ALG14: variants seen among roughly 807,000 people sequenced by gnomAD.
ALG14 encodes the protein ALG14 UDP-N-acetylglucosaminyltransferase subunit.
Under a neutral mutation model 22.8 loss-of-function variants are expected in ALG14, and 17 were observed. The observed-to-expected ratio is 0.75, with a 90% CI of 0.51 to 1.12. ALG14 has a LOEUF of 1.12. Among genes scored for constraint, ALG14 ranks in the 50% most tolerant of loss-of-function variants. The pLI is 0.00. For missense variants in ALG14, 288 were observed against 271.8 expected, an observed-to-expected ratio of 1.06 and a Z score of -0.42; for synonymous variants, 89 against 103.7, an observed-to-expected ratio of 0.86 and a Z score of 0.86.
intron 3 of ALG14, among the ~76,000 whole-genome samples, chr1:94,991,878 T>C (rs79296456): frequency 0.051 from 7,760 of 152,182 alleles, 282 homozygotes; most frequent in African/African-American, 0.096. Flanking sequence ...TTAAGCCTTT[T>C]TGTTAAAAAC....
chr1:95,009,959 T>A (rs1673319119), intron 3 of ALG14, among the ~76,000 whole-genome samples: 2 of 152,312 alleles, frequency 1.3e-5, no homozygotes, highest in African/African-American at 4.8e-5. Context: ...AATTAAAAGC[T>A]AAGAGGAATT....
At chr1:95,054,288 C>A (rs952710131) in intron 2 of ALG14, among the ~76,000 whole-genome samples, 1 of 152,088 alleles carries the variant, frequency 6.6e-6, no homozygotes, top group African/African-American at 2.4e-5. Context: ...GTCATGATCT[C>A]CTTGGTACAG....
chr1:95,046,798 AT>A (rs1329278889), intron 2 of ALG14, among the ~76,000 whole-genome samples: 1 of 152,224 alleles, frequency 6.6e-6, no homozygotes, highest in African/African-American at 2.4e-5. Context: ...GTTTACAATC[AT>A]TTTAAAGTAA....
chr1:95,050,126 G>A (rs546327275), intron 2 of ALG14, among the ~76,000 whole-genome samples: 459 of 152,302 alleles, frequency 3.0e-3, no homozygotes, highest in Non-Finnish European at 4.3e-3. Flanking sequence ...AGTGTGAATC[G>A]ATGCCCTTTT....
At chr1:94,996,903 G>A (rs867773641) in intron 3 of ALG14, among the ~76,000 whole-genome samples, 3 of 152,038 alleles carry the variant, frequency 2.0e-5, no homozygotes, top group Non-Finnish European at 2.9e-5. Context: ...GGCTGGTATC[G>A]AATTCCTGAC....
intron 3 of ALG14, among the ~76,000 whole-genome samples, chr1:95,009,243 T>A (rs572194787): frequency 6.6e-6 from 1 of 150,714 alleles, no homozygotes; most frequent in East Asian, 1.9e-4. Flanking sequence ...TTATTTATAA[T>A]CATGTTTTAT....
At chr1:94,992,734 A>G (rs1267646955) in intron 3 of ALG14, among the ~76,000 whole-genome samples, 2 of 152,152 alleles carry the variant, frequency 1.3e-5, no homozygotes, top group African/African-American at 4.8e-5. Flanking sequence ...GTTCTAACAT[A>G]TTCTCTTCTT....
intron 2 of ALG14, among the ~76,000 whole-genome samples, chr1:95,061,278 T>C (rs2100833963): frequency 6.6e-6 from 1 of 152,296 alleles, no homozygotes; most frequent in African/African-American, 2.4e-5. Context: ...AATACAGTAT[T>C]GATTCCTAAA....
At chr1:94,993,595 C>T (rs1672834147) in intron 3 of ALG14, among the ~76,000 whole-genome samples, 1 of 152,052 alleles carries the variant, frequency 6.6e-6, no homozygotes, top group South Asian at 2.1e-4. Context: ...TCTGCAGTGA[C>T]CCTGTAGTAT....
chr1:95,029,104 G>C (rs1673915490), intron 2 of ALG14, among the ~76,000 whole-genome samples: 1 of 152,162 alleles, frequency 6.6e-6, no homozygotes, highest in Non-Finnish European at 1.5e-5. Flanking sequence ...GTGGCTTAGT[G>C]GCTTGCAGTG....
At chr1:95,072,715 G>T (rs1675609991) in intron 1 of ALG14, 48 bp downstream of exon 1, 1 of 1,612,182 alleles carries the variant, frequency 6.2e-7, no homozygotes. Context: ...GCACTCTGGG[G>T]TTTGTAGTGA....
chr1:95,014,106 T>A (rs1246812190), intron 3 of ALG14, among the ~76,000 whole-genome samples: 1 of 152,158 alleles, frequency 6.6e-6, no homozygotes, highest in Non-Finnish European at 1.5e-5. Context: ...TTCTAATTAC[T>A]CCCCAGAGAC....
In ALG14 at chr1:94,990,376, T is replaced by C. The variant is rs141887659; in HGVS notation, c.421-7070A>G. Among the ~76,000 whole-genome samples the C allele has an allele frequency of 3.3e-3, 497 of 152,322 alleles. 1 individual carries two copies. Among genetic ancestry groups the C allele is most frequent in the African/African-American group, 0.011 (477 of 41,572 alleles). ...TTGTATTTCTTCTTTTTTATGTTTA[T>C]TTAATCATCTGAGGAGTAACAGTTA... On this transcript the variant is annotated intron_variant, in intron 3 of 3. Transcript: ENST00000370205.
At chr1:94,998,216 G>C (rs887690715) in intron 3 of ALG14, among the ~76,000 whole-genome samples, 2 of 152,168 alleles carry the variant, frequency 1.3e-5, no homozygotes, top group Non-Finnish European at 2.9e-5. Flanking sequence ...CGCACTTCCT[G>C]AGTCTGACGG....
chr1:95,004,212 T>C (rs971430561), intron 3 of ALG14, among the ~76,000 whole-genome samples: 17 of 149,412 alleles, frequency 1.1e-4, no homozygotes, highest in African/African-American at 3.5e-4. Context: ...CATGGGTAAT[T>C]AACTTTTTTT....
chr1:95,034,352 T>C (rs1674116156), intron 2 of ALG14, among the ~76,000 whole-genome samples: 1 of 152,352 alleles, frequency 6.6e-6, no homozygotes, highest in South Asian at 2.1e-4. Context: ...GCAAGCTCCA[T>C]GAGAGAAAAG....
intron 3 of ALG14, among the ~76,000 whole-genome samples, chr1:94,992,737 C>G (rs1365978007): frequency 1.3e-5 from 2 of 152,188 alleles, no homozygotes; most frequent in Middle Eastern, 3.4e-3. Flanking sequence ...CTAACATATT[C>G]TCTTCTTGGG....
rs543570355 is a variant in ALG14, at chr1:94,981,803, G to A, written c.*1273C>T. 1.8e-4 allele frequency: 28 copies of A among 151,456 alleles called. No homozygotes were observed. Among genetic ancestry groups the A allele is most frequent in the African/African-American group, 6.3e-4 (26 of 41,290 alleles). 9.4% of individuals were successfully genotyped at this position (151,456 alleles called of 1,614,324 possible). A position where few individuals can be genotyped will look rare whatever the true frequency, so the allele number is the denominator to read the frequency against. On this transcript the variant is annotated 3_prime_UTR_variant, in exon 4 of 4. Coordinates refer to ENST00000370205, the MANE Select transcript of ALG14 (RefSeq NM_144988.4). ...CACTAACTATTGTACTTCTATTCCAGTAGACATGGCACCACTAGAAACACA... is the reference window on the plus strand; with the variant it reads ...CACTAACTATTGTACTTCTATTCCAATAGACATGGCACCACTAGAAACACA...
chr1:95,004,551 G>A lies in ALG14; in HGVS notation c.421-21245C>T, dbSNP rs1171590205. Among the ~76,000 whole-genome samples, 4 of 152,182 alleles carry A rather than the reference G, an allele frequency of 2.6e-5. No individual in the cohort carries two copies. In the East Asian group the frequency reaches 7.7e-4, roughly 29 times the overall value. On this transcript the variant is annotated intron_variant, in intron 3 of 3. Coordinates refer to ENST00000370205, the MANE Select transcript of ALG14 (RefSeq NM_144988.4). Reference sequence around the variant, plus strand: ...GTCTCGCTCTATTGCCCAGGCTACAGTGCAGTGGTGCAATCTCGGCTCACT... The same window carrying A: ...GTCTCGCTCTATTGCCCAGGCTACAATGCAGTGGTGCAATCTCGGCTCACT...
Sources: allele counts gnomAD v4.1 joint callset (sites outside exome capture counted in the v4.1 genomes callset), GRCh38; gene constraint gnomAD v4.1.1; transcripts MANE v1.5; gene names NCBI Gene and HGNC (gene_info 2026-07-23, HGNC 2026-07-21).